PLCL2: variants seen among roughly 807,000 people sequenced by gnomAD.
The protein encoded by PLCL2 is phospholipase C like 2, also known as inactive phospholipase C-like protein 2.
Under a neutral mutation model 79.6 loss-of-function variants are expected in PLCL2, and 4 were observed. That is an observed-to-expected ratio of 0.05 (90% CI 0.02 to 0.11). The LOEUF is 0.11. Ranked by LOEUF, PLCL2 falls within the 10% of genes least tolerant of loss-of-function variation. PLCL2 has a pLI of 1.00. For missense variants in PLCL2, 895 were observed against 1,291.0 expected (o/e 0.69, Z 4.70); for synonymous variants, 484 against 457.7 (o/e 1.06, Z -0.73).
chr3:16,902,209 C>T (rs1696636564), intron 1 of PLCL2, among the ~76,000 whole-genome samples: 1 of 152,220 alleles, frequency 6.6e-6, no homozygotes, highest in African/African-American at 2.4e-5. Flanking sequence ...CACCACTATC[C>T]ATTCTCCTTT....
At position 16,886,562 on chromosome 3, in the gene PLCL2, G is replaced by A. The variant is rs1696228615; in HGVS notation, c.327+1196G>A. ...GCTACTCTATGTAAGAGGCAATTGT[G>A]AAACTGCATTTCCCTTTGTCATCTG... On this transcript the variant is annotated intron_variant, in intron 1 of 5. Coordinates refer to ENST00000615277, the MANE Select transcript of PLCL2 (RefSeq NM_001144382.2). This position sits in a 1 kb window ranked among gnomAD's most constrained non-coding sequence, Gnocchi z 4.2. Among the ~76,000 whole-genome samples the A allele has an allele frequency of 6.6e-6, 1 of 152,218 alleles. No individual in the cohort carries two copies. The highest frequency in any genetic ancestry group is 2.1e-4 in the South Asian group (1 of 4,830).
chr3:16,966,214 G>A (rs932176631), intron 1 of PLCL2, among the ~76,000 whole-genome samples: 1 of 138,414 alleles, frequency 7.2e-6, no homozygotes, highest in African/African-American at 2.6e-5. Flanking sequence ...CTTATTGAGA[G>A]TTTTTAGCAT....
intron 1 of PLCL2, among the ~76,000 whole-genome samples, chr3:17,008,686 AGT>A (rs1397880551): frequency 3.9e-5 from 6 of 152,140 alleles, no homozygotes; most frequent in Admixed American, 3.9e-4. Context: ...TGACCTGTAC[AGT>A]TGCACAGGCT....
intron 3 of PLCL2, among the ~76,000 whole-genome samples, chr3:17,038,061 A>G (rs1442811621): frequency 6.6e-6 from 1 of 152,158 alleles, no homozygotes; most frequent in Non-Finnish European, 1.5e-5. Flanking sequence ...ATAAAATATA[A>G]ATTTTAATTT....
intron 4 of PLCL2, among the ~76,000 whole-genome samples, chr3:17,044,717 G>A (rs1022090999): frequency 2.6e-5 from 4 of 151,992 alleles, no homozygotes; most frequent in East Asian, 1.9e-4. Flanking sequence ...TATGAAAATT[G>A]TGGACTTTGT....
At position 16,947,187 on chromosome 3, in the gene PLCL2, C is replaced by T. The variant is rs148591808; in HGVS notation, c.327+61821C>T. On this transcript the variant is annotated intron_variant, in intron 1 of 5. Coordinates refer to ENST00000615277, the MANE Select transcript of PLCL2 (RefSeq NM_001144382.2). ...CTGGCCTCAAACTCCTGGCTTCAAG[C>T]GATCCTCCTACCACAGCCTCCCAAA... Among the ~76,000 whole-genome samples the T allele has an allele frequency of 2.5e-4, 38 of 151,920 alleles. No individual in the cohort carries two copies. The East Asian group carries it at 6.8e-3, about 27-fold the overall frequency.
chr3:16,934,741 T>C (rs2036223995), intron 1 of PLCL2, among the ~76,000 whole-genome samples: 2 of 152,142 alleles, frequency 1.3e-5, no homozygotes, highest in Non-Finnish European at 2.9e-5. Flanking sequence ...GAAATGGCAG[T>C]GCAACTAGGA....
At chr3:17,055,318 T>C (rs1294043910) in intron 4 of PLCL2, among the ~76,000 whole-genome samples, 2 of 152,172 alleles carry the variant, frequency 1.3e-5, no homozygotes, top group African/African-American at 4.8e-5. Flanking sequence ...AGAAGAGAAG[T>C]AGCAAGGTCC....
chr3:16,966,292 T>G (rs1188795517), intron 1 of PLCL2, among the ~76,000 whole-genome samples: 3 of 151,386 alleles, frequency 2.0e-5, no homozygotes, highest in African/African-American at 7.3e-5. Flanking sequence ...GTTTTTGTTT[T>G]TGGTTCTGTT....
chr3:16,984,091 T>C (rs59256854), intron 1 of PLCL2, among the ~76,000 whole-genome samples: 31,621 of 152,168 alleles, frequency 0.21, 3,464 homozygotes, highest in Admixed American at 0.25. Flanking sequence ...TTATGTCTTT[T>C]GGTTCATGAA....
At chr3:16,999,296 CAGAG>C (rs1021704073) in intron 1 of PLCL2, among the ~76,000 whole-genome samples, 2 of 152,140 alleles carry the variant, frequency 1.3e-5, no homozygotes, top group Admixed American at 6.5e-5. Context: ...AAACAAGACT[CAGAG>C]AGGGTGACGT....
intron 1 of PLCL2, among the ~76,000 whole-genome samples, chr3:17,004,131 C>G (rs542937287): frequency 6.6e-6 from 1 of 152,124 alleles, no homozygotes; most frequent in Non-Finnish European, 1.5e-5. Context: ...TTTGAAATTC[C>G]GTTCCCTTGG....
At chr3:16,954,230 T>C (rs2063681364) in intron 1 of PLCL2, among the ~76,000 whole-genome samples, 1 of 152,164 alleles carries the variant, frequency 6.6e-6, no homozygotes. Flanking sequence ...CCTGTGTCCA[T>C]GTGTTCTCAT....
At chr3:16,925,547 C>A (rs972014804) in intron 1 of PLCL2, among the ~76,000 whole-genome samples, 1 of 152,214 alleles carries the variant, frequency 6.6e-6, no homozygotes, top group Non-Finnish European at 1.5e-5. Flanking sequence ...CACAGTTACT[C>A]CCAGTCCCTG....
Position 17,011,057 on chromosome 3 carries a change from A to C in PLCL2, c.1711A>C (p.Lys571Gln). 4 of 1,614,100 alleles carry C rather than the reference A, an allele frequency of 2.5e-6. No homozygotes were observed. Among genetic ancestry groups the C allele is most frequent in the Non-Finnish European group, 3.4e-6 (4 of 1,180,032 alleles). ...LKGKILIKAKKLSSNCSGVEG... is the reference protein window; with the variant it reads ...LKGKILIKAKQLSSNCSGVEG... ...AGGGAAAATACTAATTAAAGCAAAGAAGCTGTCCTCAAATTGCTCTGGGGT... is the reference window on the plus strand; with the variant it reads ...AGGGAAAATACTAATTAAAGCAAAGCAGCTGTCCTCAAATTGCTCTGGGGT... The change falls in exon 2 of 6, where the codon AAG becomes CAG. Residue 571 changes from lysine to glutamine, a missense_variant. Lys to Gln is a moderately conservative substitution (Grantham distance 53, BLOSUM62 1). This residue lies in a region of PLCL2 where 242 missense variants were observed against 399.5 expected (regional missense o/e 0.61). Transcript: ENST00000615277. This position sits in a 1 kb window ranked among gnomAD's most constrained non-coding sequence, Gnocchi z 7.9.
chr3:16,905,867 G>A (rs1225981399), intron 1 of PLCL2, among the ~76,000 whole-genome samples: 1 of 152,166 alleles, frequency 6.6e-6, no homozygotes, highest in Non-Finnish European at 1.5e-5. Flanking sequence ...GGGAGGCAGG[G>A]GCCCTGAAAA....
At chr3:17,049,109 T>TA (rs1553648480) in intron 4 of PLCL2, among the ~76,000 whole-genome samples, 4 of 152,106 alleles carry the variant, frequency 2.6e-5, no homozygotes, top group South Asian at 4.1e-4. Context: ...AGTTTTTTTT[T>TA]ATCTCACATT....
Position 17,074,036 on chromosome 3 carries a change from C to T in PLCL2, c.3204+5971C>T, listed in dbSNP as rs551139868. Among the ~76,000 whole-genome samples the T allele has an allele frequency of 3.3e-5, 5 of 152,292 alleles. No individual in the cohort carries two copies. The East Asian group carries it at 7.7e-4, about 24-fold the overall frequency. ...CATGAATCATGAATGTTATTAATGG[C>T]GTCTTAGAATGGTGAATCCTTTCCA... On this transcript the variant is annotated intron_variant, in intron 5 of 5. Coordinates refer to ENST00000615277, the MANE Select transcript of PLCL2 (RefSeq NM_001144382.2).
intron 3 of PLCL2, among the ~76,000 whole-genome samples, chr3:17,034,422 T>A (rs565839991): frequency 6.6e-6 from 1 of 152,258 alleles, no homozygotes; most frequent in African/African-American, 2.4e-5. Flanking sequence ...ATAAAAAAAA[T>A]TATCAGGTAT....
Sources: allele counts gnomAD v4.1 joint callset (sites outside exome capture counted in the v4.1 genomes callset), GRCh38; gene constraint gnomAD v4.1.1; regional missense constraint gnomAD v4.1.1; non-coding constraint Gnocchi (gnomAD v3.1); transcripts MANE v1.5; gene names NCBI Gene and HGNC (gene_info 2026-07-23, HGNC 2026-07-21).